The following GALNT16 variants were observed in gnomAD, a reference collection of about 807,000 sequenced individuals.
The protein encoded by GALNT16 is polypeptide N-acetylgalactosaminyltransferase 16, also known as UDP-GalNAc:polypeptide N-acetylgalactosaminyltransferase-like protein 1.
In GALNT16, 40 loss-of-function variants were observed where a neutral mutation model predicts 76.1. The ratio of observed to expected loss-of-function variants is 0.53; its 90% CI spans 0.41 to 0.68. The LOEUF (loss-of-function observed/expected upper bound fraction) is 0.68. Ranked by LOEUF, GALNT16 falls within the 30% of genes least tolerant of loss-of-function variation. GALNT16 has a pLI of 0.00. For synonymous variants in GALNT16, 276 were observed against 285.2 expected (o/e 0.97, Z 0.32); for missense variants, 621 against 731.9 (o/e 0.85, Z 1.75).
At chr14:69,313,476 A>G (rs905594030) in intron 1 of GALNT16, among the ~76,000 whole-genome samples, 7 of 152,320 alleles carry the variant, frequency 4.6e-5, no homozygotes, top group African/African-American at 7.2e-5. Flanking sequence ...CCTTAGGTAG[A>G]GGACCCTGGG....
chr14:69,297,807 T>G (rs531807071), intron 1 of GALNT16, among the ~76,000 whole-genome samples: 1 of 152,336 alleles, frequency 6.6e-6, no homozygotes, highest in East Asian at 1.9e-4. Flanking sequence ...GGTCTTCTAG[T>G]GACATAATCG....
chr14:69,344,753 G>C (rs754294945), intron 12 of GALNT16, among the ~76,000 whole-genome samples: 19 of 152,158 alleles, frequency 1.2e-4, no homozygotes, highest in Non-Finnish European at 2.4e-4. Context: ...AAGCAACAAG[G>C]GAGTAGCAGG....
the GALNT16 span, among the ~76,000 whole-genome samples, chr14:69,381,016 C>T: frequency 6.6e-6 from 1 of 152,220 alleles, no homozygotes; most frequent in Non-Finnish European, 1.5e-5. Context: ...GGTGCAGTGG[C>T]TCATGCCTGT....
intron 2 of GALNT16, among the ~76,000 whole-genome samples, chr14:69,323,219 G>A (rs1342397213): frequency 1.3e-5 from 2 of 152,186 alleles, no homozygotes; most frequent in African/African-American, 2.4e-5. Context: ...AAGACAGGCC[G>A]AGGAGGATCA....
chr14:69,335,352 G>C (rs1594859752), intron 9 of GALNT16, among the ~76,000 whole-genome samples: 1 of 152,162 alleles, frequency 6.6e-6, no homozygotes, highest in Non-Finnish European at 1.5e-5. Flanking sequence ...GGGAACTGGG[G>C]TGCAGTGACC....
chr14:69,263,253 A>T (rs191075272), intron 1 of GALNT16, among the ~76,000 whole-genome samples: 58 of 152,298 alleles, frequency 3.8e-4, no homozygotes, highest in Admixed American at 1.1e-3. Context: ...TATCTCCTTA[A>T]TATTTTATTA....
Position 69,333,131 on chromosome 14 carries a change from G to C in GALNT16, c.825G>C (p.Glu275Asp). The C allele has an allele frequency of 1.2e-6, 2 of 1,613,792 alleles. No individual in the cohort carries two copies. The highest frequency in any genetic ancestry group is 1.7e-6 in the Non-Finnish European group (2 of 1,179,700). The change falls in exon 8 of 15, where the codon GAG becomes GAC. Residue 275 changes from glutamate to aspartate, a missense_variant. Coordinates refer to ENST00000448469, the MANE Select transcript of GALNT16 (RefSeq NM_001168368.2). The surrounding 1 kb of genome is among the most constrained non-coding windows in gnomAD (Gnocchi z 4.2). ...LHFKWEQIPLEQKMTRTDPTR... is the reference protein window; with the variant it reads ...LHFKWEQIPLDQKMTRTDPTR... ...TCAAGTGGGAGCAGATCCCTCTTGA[G>C]CAGAAGATGACCCGGACAGACCCCA...
rs1021066680 is a variant in GALNT16 at position 69,263,218 on chromosome 14, C to T, written c.177+2751C>T. On this transcript the variant is annotated intron_variant, in intron 1 of 14. Transcript: ENST00000448469. ...TGGGGGCAGTCAATGCTTCACATCC[C>T]CCTAATATTATTGTATTATATTCAT... Among the ~76,000 whole-genome samples, 5 of 152,230 alleles carry T rather than the reference C, an allele frequency of 3.3e-5. 1 individual carries two copies. The South Asian group carries it at 8.3e-4, about 25-fold the overall frequency.
At chr14:69,312,162 G>A (rs2045035714) in intron 1 of GALNT16, among the ~76,000 whole-genome samples, 1 of 151,948 alleles carries the variant, frequency 6.6e-6, no homozygotes, top group Admixed American at 6.6e-5. Context: ...GAGGTGGGAG[G>A]ATCACTTGAG....
At chr14:69,376,068 A>T in the GALNT16 span, among the ~76,000 whole-genome samples, 2 of 150,192 alleles carry the variant, frequency 1.3e-5, no homozygotes, top group African/African-American at 4.9e-5. Context: ...ATACTGTCTC[A>T]CTCTGCTATC....
rs548038408 is a variant in GALNT16, at chr14:69,284,006, G to C, written c.177+23539G>C. ...ATGGATAAATACCAGGAGAGGGTGT[G>C]CTTAAGAATGATTTGGCTCATCCTT... is the stretch of plus-strand genomic sequence containing the variant. On this transcript the variant is annotated intron_variant, in intron 1 of 14. Transcript: ENST00000448469. Among the ~76,000 whole-genome samples the C allele has an allele frequency of 2.6e-5, 4 of 152,240 alleles. No individual in the cohort carries two copies. The South Asian group carries it at 8.3e-4, about 32-fold the overall frequency.
intron 1 of GALNT16, among the ~76,000 whole-genome samples, chr14:69,282,650 C>CTATATTTATT (rs2044559593): frequency 6.8e-6 from 1 of 147,232 alleles, no homozygotes; most frequent in South Asian, 2.2e-4. Flanking sequence ...AGAATTTGTC[C>CTATATTTATT]TATTTATTTA....
At chr14:69,279,642 G>A (rs1039662828) in intron 1 of GALNT16, among the ~76,000 whole-genome samples, 2 of 152,262 alleles carry the variant, frequency 1.3e-5, no homozygotes, top group Admixed American at 6.5e-5. Flanking sequence ...TGTGGGGGCC[G>A]TGTCAGGGCG....
intron 1 of GALNT16, among the ~76,000 whole-genome samples, chr14:69,319,259 C>A (rs1372952146): frequency 6.6e-6 from 1 of 152,202 alleles, no homozygotes; most frequent in African/African-American, 2.4e-5. Context: ...GCTCCCCGGA[C>A]CCTGGGCATG....
intron 1 of GALNT16, among the ~76,000 whole-genome samples, chr14:69,295,826 A>G (rs1218265031): frequency 1.3e-5 from 2 of 152,146 alleles, no homozygotes; most frequent in Admixed American, 6.5e-5. Context: ...TAGGTAATAT[A>G]TTAATCAGGT....
intron 1 of GALNT16, among the ~76,000 whole-genome samples, chr14:69,274,306 G>A (rs1314639660): frequency 6.6e-6 from 1 of 152,140 alleles, no homozygotes; most frequent in Non-Finnish European, 1.5e-5. Context: ...TTGTTAATTT[G>A]TATATTAGTT....
chr14:69,359,007 T>A (rs1357973616), downstream of GALNT16: 1 of 152,286 alleles, frequency 6.6e-6, no homozygotes, highest in Admixed American at 6.5e-5. Flanking sequence ...CCCAGACAAG[T>A]GCTGCTTCTG....
Position 69,352,111 on chromosome 14 carries a change from C to A in GALNT16, c.1620C>A (p.Thr540=), listed in dbSNP as rs753810988. ...AGACAAAGCCTGCCCAGCTGGTGAC[C>A]AGCAAGTGTCAGGCTGACGCCCAGG... ...CLETKPAQLV[T]SKCQADAQAQ... Residue 540 remains threonine (T), a synonymous_variant, in exon 15 of 15, where the codon ACC becomes ACA. Coordinates refer to ENST00000448469, the MANE Select transcript of GALNT16 (RefSeq NM_001168368.2). 2.5e-6 allele frequency: 4 copies of A among 1,613,906 alleles called. No individual in the cohort carries two copies. The Admixed American group carries it at 6.7e-5, about 27-fold the overall frequency.
At chr14:69,382,701 T>G in the GALNT16 span, among the ~76,000 whole-genome samples, 2 of 147,874 alleles carry the variant, frequency 1.4e-5, no homozygotes, top group East Asian at 4.0e-4. Context: ...TAGCTGGGCG[T>G]GGTGGCGCGC....
Sources: gnomAD v4.1 joint callset for allele counts (sites outside exome capture counted in the v4.1 genomes callset) on GRCh38, gnomAD v4.1.1 for gene constraint, Gnocchi (gnomAD v3.1) non-coding constraint, MANE v1.5 for transcripts, NCBI Gene and HGNC (gene_info 2026-07-23, HGNC 2026-07-21) for gene names.